The following SNRNP70 variants were observed in gnomAD, a reference collection of about 807,000 sequenced individuals.
The protein encoded by SNRNP70 is small nuclear ribonucleoprotein U1 subunit 70, also known as U1 small nuclear ribonucleoprotein 70 kDa.
In SNRNP70, 8 loss-of-function variants were observed where a neutral mutation model predicts 50.5. The ratio of observed to expected loss-of-function variants is 0.16; its 90% CI spans 0.09 to 0.29. SNRNP70 has a LOEUF of 0.29. Ranked by LOEUF, SNRNP70 falls within the 10% of genes least tolerant of loss-of-function variation. The pLI, the probability that SNRNP70 is intolerant of heterozygous loss-of-function variation, is 1.00. For missense variants in SNRNP70, 529 were observed against 663.5 expected (o/e 0.80, Z 2.23); for synonymous variants, 320 against 252.9 (o/e 1.27, Z -2.52).
At chr19:49,090,582 T>C in intron 4 of SNRNP70, 62 bp downstream of exon 4, 1 of 1,516,240 alleles carries the variant, frequency 6.6e-7, no homozygotes. Flanking sequence ...TCTTCCCAGG[T>C]CATACCCAGG....
chr19:49,108,339 G>C lies in SNRNP70; in HGVS notation c.1210G>C (p.Glu404Gln), dbSNP rs549883817. 3.1e-6 allele frequency: 5 copies of C among 1,605,402 alleles called. No homozygotes were observed. In the South Asian group the frequency reaches 5.6e-5, roughly 18 times the overall value. The stretch of plus-strand genomic sequence containing the variant: ...GGGCGGTGGCCAGGACAACGGGCTG[G>C]AGGGTCTGGGCAACGACAGCCGAGA... Reference protein sequence around the residue: ...GGGGGQDNGLEGLGNDSRDMY... With the variant: ...GGGGGQDNGLQGLGNDSRDMY... The change falls in exon 10 of 10, where the codon GAG becomes CAG. Residue 404 changes from glutamate to glutamine, a missense_variant. Physicochemically the swap from Glu to Gln is conservative, Grantham distance 29 (BLOSUM62 2). Transcript: ENST00000598441.
At chr19:49,106,177 C>T (rs1169929273) in intron 8 of SNRNP70, among the ~76,000 whole-genome samples, 8 of 152,140 alleles carry the variant, frequency 5.3e-5, no homozygotes, top group African/African-American at 1.9e-4. Context: ...TCTTACCTTA[C>T]TCTGGTCTCT....
chr19:49,089,755 TG>T (rs1332267337), intron 2 of SNRNP70, among the ~76,000 whole-genome samples: 1 of 141,466 alleles, frequency 7.1e-6, no homozygotes, highest in Non-Finnish European at 1.5e-5. Context: ...CTCCGCCTCC[TG>T]GGTTCATGCC....
intron 4 of SNRNP70, among the ~76,000 whole-genome samples, chr19:49,091,727 G>A (rs772924787): frequency 6.6e-6 from 1 of 152,144 alleles, no homozygotes; most frequent in African/African-American, 2.4e-5. Flanking sequence ...ACGCAGAAGC[G>A]TGACAGAGAC....
intron 6 of SNRNP70, among the ~76,000 whole-genome samples, chr19:49,099,616 G>A (rs921504310): frequency 1.8e-4 from 28 of 151,754 alleles, no homozygotes; most frequent in Non-Finnish European, 3.2e-4. Flanking sequence ...GCGGGCGCCC[G>A]TAATCCCAGC....
intron 2 of SNRNP70, among the ~76,000 whole-genome samples, chr19:49,090,047 G>A (rs2040429054): frequency 6.6e-6 from 1 of 152,050 alleles, no homozygotes; most frequent in African/African-American, 2.4e-5. Context: ...CTAGGCTCAA[G>A]CATTCTCCCT....
At chr19:49,096,817 G>A (rs2122346501) in intron 4 of SNRNP70, among the ~76,000 whole-genome samples, 1 of 151,842 alleles carries the variant, frequency 6.6e-6, no homozygotes, top group East Asian at 1.9e-4. Flanking sequence ...GTTTATACTT[G>A]TAGTTAAATT....
intron 8 of SNRNP70, among the ~76,000 whole-genome samples, chr19:49,105,741 CA>C (rs11351015): frequency 0.16 from 24,231 of 150,436 alleles, 2,436 homozygotes; most frequent in East Asian, 0.23. Context: ...AAAAAAAAAA[CA>C]AAAAACAAAA....
rs1156826326 is a variant in SNRNP70 at position 49,104,585 on chromosome 19, G to C, written c.476-49G>C. On this transcript the variant is annotated intron_variant, in intron 7 of 9. Coordinates refer to ENST00000598441, the MANE Select transcript of SNRNP70 (RefSeq NM_003089.6). The surrounding 1 kb of genome is among the most constrained non-coding windows in gnomAD (Gnocchi z 5.4). The stretch of plus-strand genomic sequence containing the variant: ...TAGAGCTGGGCCTGTCCTGACTAGA[G>C]GACCCTCTGGGGACTCCTCTCCCCT... The C allele has an allele frequency of 7.1e-7, 1 of 1,415,246 alleles. No homozygotes were observed. Among genetic ancestry groups the C allele is most frequent in the South Asian group, 1.2e-5 (1 of 81,274 alleles). 87.7% of individuals were successfully genotyped at this position (1,415,246 alleles called of 1,614,324 possible).
Position 49,107,813 on chromosome 19 carries a change from T to C in SNRNP70, c.684T>C (p.Leu228=). 1 of 1,600,138 alleles carries C rather than the reference T, an allele frequency of 6.2e-7. No individual in the cohort carries two copies. The highest frequency in any genetic ancestry group is 1.1e-5 in the South Asian group (1 of 89,400). ...CATCCAGGCCCGGCCCCTCCCCGCT[T>C]CCGCACAGGGACCGGGACCGGGACC... ...RYDERPGPSP[L]PHRDRDRDRE... is the part of the protein sequence containing the mutation. The change falls in exon 10 of 10, where the codon CTT becomes CTC. Residue 228 remains leucine (L), a synonymous_variant. Transcript: ENST00000598441. This position sits in a 1 kb window ranked among gnomAD's most constrained non-coding sequence, Gnocchi z 6.0.
At chr19:49,102,283 C>G (rs1220938043) in intron 7 of SNRNP70, 1 of 706,484 alleles carries the variant, frequency 1.4e-6, no homozygotes, top group South Asian at 1.5e-5. Flanking sequence ...ACCCCAGTCG[C>G]CCCCGTAGCC....
Position 49,108,234 on chromosome 19 carries a change from G to T in SNRNP70, c.1105G>T (p.Asp369Tyr). Residue 369 changes from aspartate to tyrosine, a missense_variant, in exon 10 of 10, where the codon GAT becomes TAT. Physicochemically the swap from Asp to Tyr is radical, Grantham distance 160. Transcript: ENST00000598441. ...CGAGCGCGAGCGGCGCCGGGACCGGGATCGTGACCGTGACCGTGACCGCGA... is the reference window on the plus strand; with the variant it reads ...CGAGCGCGAGCGGCGCCGGGACCGGTATCGTGACCGTGACCGTGACCGCGA... ...RSERERRRDR[D>Y]RDRDRDREHK... The T allele has an allele frequency of 6.5e-7, 1 of 1,540,718 alleles. No homozygotes were observed. Among genetic ancestry groups the T allele is most frequent in the Non-Finnish European group, 8.8e-7 (1 of 1,142,780 alleles).
intron 4 of SNRNP70, among the ~76,000 whole-genome samples, chr19:49,090,897 C>T (rs1290639397): frequency 6.6e-6 from 1 of 152,078 alleles, no homozygotes; most frequent in Non-Finnish European, 1.5e-5. Flanking sequence ...ATCCCCTCCA[C>T]ATAGAGGAGG....
chr19:49,106,040 C>T (rs1303542576), intron 8 of SNRNP70, among the ~76,000 whole-genome samples: 1 of 152,238 alleles, frequency 6.6e-6, no homozygotes. Context: ...CCTGGGCAGA[C>T]ACCCAGGCAG....
At chr19:49,086,051 G>A (rs1159054063) in intron 1 of SNRNP70, among the ~76,000 whole-genome samples, 1 of 152,102 alleles carries the variant, frequency 6.6e-6, no homozygotes, top group Non-Finnish European at 1.5e-5. Flanking sequence ...GCCCTCCACG[G>A]CACGGGACGA....
At chr19:49,105,729 C>CAAA (rs533671522) in intron 8 of SNRNP70, among the ~76,000 whole-genome samples, 1 of 135,528 alleles carries the variant, frequency 7.4e-6, no homozygotes, top group South Asian at 2.3e-4. Flanking sequence ...GACTCTGTCT[C>CAAA]AAAAAAAAAA....
intron 7 of SNRNP70, chr19:49,102,634 G>C (rs2040604255): frequency 6.1e-6 from 1 of 165,238 alleles, no homozygotes; most frequent in African/African-American, 2.4e-5. Context: ...CCCCCTTTCT[G>C]TCTTCCTTAC....
intron 1 of SNRNP70, 115 bp from the exon 2 acceptor site, chr19:49,086,290 T>G: frequency 1.7e-6 from 2 of 1,208,530 alleles, no homozygotes; most frequent in African/African-American, 1.5e-5. Flanking sequence ...TTACAGAGCC[T>G]GTTTTAATTC....
At position 49,101,428 on chromosome 19, in the gene SNRNP70, T is replaced by G. The variant is rs1489312780; in HGVS notation, c.432T>G (p.Arg144=). 1 of 1,613,932 alleles carries G rather than the reference T, an allele frequency of 6.2e-7. No homozygotes were observed. Among genetic ancestry groups the G allele is most frequent in the African/African-American group, 1.3e-5 (1 of 74,912 alleles). The stretch of plus-strand genomic sequence containing the variant: ...ACAGTAAGCGGTCAGGAAAGCCCCG[T>G]GGCTATGCCTTCATCGAGTACGAAC... ...MVYSKRSGKP[R]GYAFIEYEHE... Residue 144 remains arginine (R), a synonymous_variant, in exon 7 of 10, where the codon CGT becomes CGG. Transcript: ENST00000598441.
Sources: gnomAD v4.1 joint callset for allele counts (sites outside exome capture counted in the v4.1 genomes callset) on GRCh38, gnomAD v4.1.1 for gene constraint, Gnocchi (gnomAD v3.1) non-coding constraint, MANE v1.5 for transcripts, NCBI Gene and HGNC (gene_info 2026-07-23, HGNC 2026-07-21) for gene names.